The following TULP4 variants were observed in gnomAD, a reference collection of about 807,000 sequenced individuals.
The protein encoded by TULP4 is TUB like protein 4, also known as tubby-related protein 4.
A neutral mutation model predicts 129.0 loss-of-function variants in TULP4; 16 were observed. The ratio of observed to expected loss-of-function variants is 0.12; its 90% CI spans 0.08 to 0.19. TULP4 has a LOEUF of 0.19. Ranked by LOEUF, TULP4 falls within the 10% of genes least tolerant of loss-of-function variation. The pLI, the probability that TULP4 is intolerant of heterozygous loss-of-function variation, is 1.00. For missense variants in TULP4, 1,842 were observed against 2,059.1 expected (o/e 0.89, Z 2.04); for synonymous variants, 998 against 854.0 (o/e 1.17, Z -2.94).
At chr6:158,302,224 G>A (rs1779144768) in intron 1 of TULP4, among the ~76,000 whole-genome samples, 2 of 152,232 alleles carry the variant, frequency 1.3e-5, no homozygotes, top group Admixed American at 1.3e-4. Context: ...ACTCCCTGAG[G>A]AAGTACTTTC....
chr6:158,480,767 T>C (rs1657203041), intron 7 of TULP4, among the ~76,000 whole-genome samples: 1 of 152,108 alleles, frequency 6.6e-6, no homozygotes, highest in African/African-American at 2.4e-5. Context: ...TTATATAGCA[T>C]TGGAAAATAC....
intron 1 of TULP4, among the ~76,000 whole-genome samples, chr6:158,389,666 C>G (rs867473516): frequency 7.0e-4 from 107 of 152,002 alleles, no homozygotes; most frequent in African/African-American, 2.4e-3. Context: ...GCATATGAAT[C>G]ATGTGGTGTG....
chr6:158,305,752 T>C (rs916172608), intron 1 of TULP4, among the ~76,000 whole-genome samples: 1 of 152,016 alleles, frequency 6.6e-6, no homozygotes, highest in African/African-American at 2.4e-5. Context: ...TTTTGGCTAC[T>C]GTGAATCATG....
chr6:158,316,390 T>C (rs879531021), intron 1 of TULP4, among the ~76,000 whole-genome samples: 1 of 152,254 alleles, frequency 6.6e-6, no homozygotes, highest in Admixed American at 6.5e-5. Flanking sequence ...ATGAAAGTTT[T>C]AGTTGTAAGG....
intron 1 of TULP4, among the ~76,000 whole-genome samples, chr6:158,240,645 A>G (rs867029906): frequency 1.1e-5 from 1 of 94,318 alleles, no homozygotes; most frequent in Non-Finnish European, 2.3e-5. Flanking sequence ...GGCCGGGTGG[A>G]GGCTGACCCC....
At position 158,493,466 on chromosome 6, in the gene TULP4, C is replaced by G; in HGVS notation, c.1632-107C>G. The G allele has an allele frequency of 8.0e-7, 1 of 1,245,794 alleles. No homozygotes were observed. Among genetic ancestry groups the G allele is most frequent in the African/African-American group, 1.5e-5 (1 of 64,622 alleles). 77.2% of individuals were successfully genotyped at this position (1,245,794 alleles called of 1,614,324 possible). A position where few individuals can be genotyped will look rare whatever the true frequency, so the allele number is the denominator to read the frequency against. ...CGGGCACTGGCTGCAGGGTGAGAAC[C>G]CAACACCCAGGCTGGCTGTCCAGAA... On this transcript the variant is annotated intron_variant, in intron 9 of 13. Coordinates refer to ENST00000367097, the MANE Select transcript of TULP4 (RefSeq NM_020245.5). The surrounding 1 kb of genome is among the most constrained non-coding windows in gnomAD (Gnocchi z 4.4).
chr6:158,477,932 A>G (rs960043771), intron 6 of TULP4, among the ~76,000 whole-genome samples: 4 of 152,274 alleles, frequency 2.6e-5, no homozygotes, highest in African/African-American at 9.6e-5. Flanking sequence ...AGCCATAAAA[A>G]AGAACAAGAT....
chr6:158,290,081 C>T (rs139985315), intron 1 of TULP4, among the ~76,000 whole-genome samples: 148 of 151,826 alleles, frequency 9.7e-4, no homozygotes, highest in African/African-American at 3.3e-3. Flanking sequence ...GGACCATAGG[C>T]GCATGCCACC....
intron 1 of TULP4, among the ~76,000 whole-genome samples, chr6:158,411,822 T>C (rs341160): frequency 0.44 from 67,617 of 151,990 alleles, 15,741 homozygotes; most frequent in African/African-American, 0.58. Context: ...AAAGCAGAAA[T>C]TGTACTTTGG....
rs149141012 is a variant in TULP4 at position 158,503,116 on chromosome 6, C to G, written c.3453C>G (p.Ser1151=). The G allele has an allele frequency of 2.5e-6, 4 of 1,613,870 alleles. No homozygotes were observed. Among genetic ancestry groups the G allele is most frequent in the Non-Finnish European group, 3.4e-6 (4 of 1,179,920 alleles). The change falls in exon 13 of 14, where the codon TCC becomes TCG. Residue 1151 remains serine (S), a synonymous_variant. Transcript: ENST00000367097. The surrounding 1 kb of genome is among the most constrained non-coding windows in gnomAD (Gnocchi z 4.3). ...CAGGGCCCAACCCCTTAAAACTGTC[C>G]TCTCTGATGCTGAGTCAGGGCCAGC... is the stretch of plus-strand genomic sequence containing the variant. ...QTSGPNPLKL[S]SLMLSQGQHL...
intron 1 of TULP4, among the ~76,000 whole-genome samples, chr6:158,264,032 C>T (rs1485374090): frequency 6.6e-6 from 1 of 152,136 alleles, no homozygotes; most frequent in Non-Finnish European, 1.5e-5. Flanking sequence ...CACTGCACTC[C>T]AGCCTGGGGG....
chr6:158,373,363 C>T lies in TULP4; in HGVS notation c.253-39702C>T, dbSNP rs546861073. ...GTGGAGGAGCTGGCGCTGTTCACCA[C>T]CTCTTGTCCTGTCTCCTTCTGGAGC... On this transcript the variant is annotated intron_variant, in intron 1 of 13. Transcript: ENST00000367097. 3.3e-5 allele frequency among the ~76,000 whole-genome samples: 5 copies of T among 152,316 alleles called. No individual in the cohort carries two copies. In the East Asian group the frequency reaches 9.6e-4, roughly 29 times the overall value.
At chr6:158,249,593 A>G (rs1778099377) in intron 1 of TULP4, among the ~76,000 whole-genome samples, 1 of 152,146 alleles carries the variant, frequency 6.6e-6, no homozygotes. Context: ...GATTTATGAC[A>G]TTCTATTTGT....
intron 1 of TULP4, among the ~76,000 whole-genome samples, chr6:158,368,066 C>CAAAAAAGAAAAAAA (rs1776973741): frequency 1.5e-5 from 1 of 65,010 alleles, no homozygotes; most frequent in Non-Finnish European, 2.9e-5. Context: ...ACCCTGTCTC[C>CAAAAAAGAAAAAAA]AAAAAAAAAA....
chr6:158,457,171 C>T (rs111889666), intron 5 of TULP4, among the ~76,000 whole-genome samples: 19 of 152,244 alleles, frequency 1.2e-4, no homozygotes, highest in Admixed American at 3.3e-4. Flanking sequence ...AAAAGGTCTC[C>T]GATCCACTTG....
chr6:158,392,036 A>G (rs1329808563), intron 1 of TULP4, among the ~76,000 whole-genome samples: 2 of 152,180 alleles, frequency 1.3e-5, no homozygotes, highest in African/African-American at 4.8e-5. Flanking sequence ...TGCTGCTGAA[A>G]ACGAAAGACA....
At chr6:158,283,669 AT>A (rs1323576788) in intron 1 of TULP4, among the ~76,000 whole-genome samples, 1 of 152,222 alleles carries the variant, frequency 6.6e-6, no homozygotes, top group Non-Finnish European at 1.5e-5. Context: ...GAATCATTAT[AT>A]TCACTTACCT....
In TULP4 at chr6:158,313,883, A is replaced by T. The variant is rs34768693; in HGVS notation, c.-134A>T. The T allele has an allele frequency of 4.3e-6, 4 of 924,478 alleles. No homozygotes were observed. The highest frequency in any genetic ancestry group is 6.3e-6 in the Non-Finnish European group (4 of 631,520). 57.3% of individuals were successfully genotyped at this position (924,478 alleles called of 1,614,324 possible). A position where few individuals can be genotyped will look rare whatever the true frequency, so the allele number is the denominator to read the frequency against. On this transcript the variant is annotated 5_prime_UTR_variant, in exon 1 of 14. Transcript: ENST00000367097. ...AAATACTGACCTTCTAATTAGATTCAGGTCAGTCTTAATTAAAGGGGGAAA... is the reference window on the plus strand; with the variant it reads ...AAATACTGACCTTCTAATTAGATTCTGGTCAGTCTTAATTAAAGGGGGAAA...
chr6:158,355,049 T>C (rs943287084), intron 1 of TULP4, among the ~76,000 whole-genome samples: 7 of 152,114 alleles, frequency 4.6e-5, no homozygotes, highest in Non-Finnish European at 8.8e-5. Flanking sequence ...AGCTGAATTA[T>C]AAGCAGAAGT....
Sources: allele counts gnomAD v4.1 joint callset (sites outside exome capture counted in the v4.1 genomes callset), GRCh38; gene constraint gnomAD v4.1.1; non-coding constraint Gnocchi (gnomAD v3.1); transcripts MANE v1.5; gene names NCBI Gene and HGNC (gene_info 2026-07-23, HGNC 2026-07-21).